The following CHODL variants were observed in gnomAD, a reference collection of about 807,000 sequenced individuals.
CHODL encodes chondrolectin.
A neutral mutation model predicts 34.5 loss-of-function variants in CHODL; 29 were observed. The ratio of observed to expected loss-of-function variants is 0.84; its 90% confidence interval spans 0.63 to 1.15. CHODL has a LOEUF of 1.15. Ranked by LOEUF, CHODL falls within the 50% of genes most tolerant of loss-of-function variation. CHODL has a pLI of 0.00. For synonymous variants in CHODL, 125 were observed against 116.1 expected (o/e 1.08, Z -0.49); for missense variants, 332 against 332.5 (o/e 1.00, Z 0.01).
intron 5 of CHODL, among the ~76,000 whole-genome samples, chr21:18,264,368 G>C (rs923637566): frequency 1.3e-5 from 2 of 152,034 alleles, no homozygotes; most frequent in Non-Finnish European, 2.9e-5. Context: ...AGTAGAGAAT[G>C]ACTTGGGTGG....
At chr21:18,111,657 AT>A (rs2065352959) in intron 2 of CHODL, among the ~76,000 whole-genome samples, 1 of 152,170 alleles carries the variant, frequency 6.6e-6, no homozygotes, top group Non-Finnish European at 1.5e-5. Context: ...TTTAGGTAGT[AT>A]GTTATAGTTC....
At chr21:17,991,331 T>C (rs1324227703) in intron 1 of CHODL, among the ~76,000 whole-genome samples, 2 of 152,136 alleles carry the variant, frequency 1.3e-5, no homozygotes, top group African/African-American at 4.8e-5. Context: ...AGTAGTGTGA[T>C]TTCTGTATTA....
intron 2 of CHODL, among the ~76,000 whole-genome samples, chr21:18,113,446 T>C (rs1568893247): frequency 2.6e-5 from 4 of 152,164 alleles, no homozygotes; most frequent in Admixed American, 2.0e-4. Context: ...ATAAAATAAG[T>C]TTAATTGGCT....
rs550357590 is a variant in CHODL, at chr21:18,098,940, T to C, written c.-45+70969T>C. Among the ~76,000 whole-genome samples the C allele has an allele frequency of 1.5e-3, 223 of 152,170 alleles. 1 individual carries two copies. The highest frequency in any genetic ancestry group is 0.01 in the Middle Eastern group (3 of 294). ...TTATTTGCAACAACATGGATGGAACTGGAGGTCATTATGTTATGTAAAACA... is the reference window on the plus strand; with the variant it reads ...TTATTTGCAACAACATGGATGGAACCGGAGGTCATTATGTTATGTAAAACA... On this transcript the variant is annotated intron_variant, in intron 2 of 6. Transcript: ENST00000400127.
At chr21:18,197,557 G>A (rs1247261422) in intron 2 of CHODL, among the ~76,000 whole-genome samples, 6 of 152,120 alleles carry the variant, frequency 3.9e-5, no homozygotes, top group Admixed American at 1.3e-4. Flanking sequence ...CGGAGGTTGC[G>A]GTGAGCCAGG....
chr21:18,004,116 A>C (rs1342141792), intron 1 of CHODL, among the ~76,000 whole-genome samples: 2 of 152,212 alleles, frequency 1.3e-5, no homozygotes, highest in Non-Finnish European at 2.9e-5. Context: ...TAAAGTAAAA[A>C]TTTTTAGTAG....
intron 2 of CHODL, among the ~76,000 whole-genome samples, chr21:18,117,616 C>T (rs1049887229): frequency 1.3e-5 from 2 of 151,632 alleles, no homozygotes; most frequent in African/African-American, 2.4e-5. Context: ...TTTGTGCCTT[C>T]GTGTAGCTTA....
intron 2 of CHODL, among the ~76,000 whole-genome samples, chr21:18,180,628 GA>G (rs1354344074): frequency 2.6e-5 from 4 of 152,210 alleles, no homozygotes; most frequent in African/African-American, 4.8e-5. Context: ...CAATGTGGAT[GA>G]GGCATTGTGT....
chr21:18,098,383 T>C (rs2065167048), intron 2 of CHODL, among the ~76,000 whole-genome samples: 1 of 151,790 alleles, frequency 6.6e-6, no homozygotes, highest in African/African-American at 2.4e-5. Flanking sequence ...AATAATTCAA[T>C]TAAAAATGGG....
intron 1 of CHODL, among the ~76,000 whole-genome samples, chr21:17,999,721 A>G (rs1231853668): frequency 2.6e-5 from 4 of 152,158 alleles, no homozygotes; most frequent in East Asian, 1.9e-4. Context: ...CCCATATTCA[A>G]TTACCTCCCA....
Position 18,178,831 on chromosome 21 carries a change from C to T in CHODL, c.-44-77678C>T, listed in dbSNP as rs539719115. On this transcript the variant is annotated intron_variant, in intron 2 of 6. Transcript: ENST00000400127. The stretch of plus-strand genomic sequence containing the variant: ...GCAGTTCAAATCTGTGTTGTTTAAG[C>T]ATCAACCATAGAGTTTAGTCATGTA... Among the ~76,000 whole-genome samples, 10 of 152,222 alleles carry T rather than the reference C, an allele frequency of 6.6e-5. No homozygotes were observed. In the East Asian group the frequency reaches 1.9e-3, roughly 29 times the overall value.
chr21:18,098,869 A>G (rs1412315115), intron 2 of CHODL, among the ~76,000 whole-genome samples: 2 of 152,122 alleles, frequency 1.3e-5, no homozygotes, highest in South Asian at 4.1e-4. Flanking sequence ...CGTGGTACAT[A>G]CACCCAATGG....
chr21:18,170,804 T>C (rs2073218414), intron 2 of CHODL, among the ~76,000 whole-genome samples: 1 of 152,152 alleles, frequency 6.6e-6, no homozygotes, highest in Non-Finnish European at 1.5e-5. Context: ...AAGAAAATAA[T>C]TACAAACAAC....
At chr21:18,008,850 C>T (rs1307156140) in intron 1 of CHODL, among the ~76,000 whole-genome samples, 6 of 152,230 alleles carry the variant, frequency 3.9e-5, no homozygotes, top group South Asian at 2.1e-4. Context: ...GAATTAGCCT[C>T]GTCTAGTTGT....
chr21:18,142,951 G>C (rs2072820262), intron 2 of CHODL, among the ~76,000 whole-genome samples: 1 of 152,120 alleles, frequency 6.6e-6, no homozygotes, highest in African/African-American at 2.4e-5. Context: ...TAAGGTTTTA[G>C]AATCCCAGGA....
intron 2 of CHODL, among the ~76,000 whole-genome samples, chr21:18,081,256 T>G (rs139610343): frequency 7.9e-5 from 12 of 152,276 alleles, no homozygotes; most frequent in Admixed American, 3.3e-4. Context: ...TGTTACTAGA[T>G]ATAAGATCAT....
chr21:18,117,730 GAAAT>G (rs68074354), intron 2 of CHODL, among the ~76,000 whole-genome samples: 53,422 of 150,564 alleles, frequency 0.35, 10,778 homozygotes, highest in East Asian at 0.68. Flanking sequence ...TAAATAAGAA[GAAAT>G]AAATAAATAA....
rs150332467 is a variant in CHODL at position 18,210,814 on chromosome 21, C to T, written c.-44-45695C>T. Reference sequence around the variant, plus strand: ...GACCCCTCACAGTCTTATTTCAACACAGTAGCCAGAATGTCAGAGTAACTC... The same window carrying T: ...GACCCCTCACAGTCTTATTTCAACATAGTAGCCAGAATGTCAGAGTAACTC... On this transcript the variant is annotated intron_variant, in intron 2 of 6. Coordinates refer to the CHODL transcript ENST00000400127. Among the ~76,000 whole-genome samples the T allele has an allele frequency of 3.4e-3, 524 of 152,276 alleles. 5 individuals are homozygous for T. Among genetic ancestry groups the T allele is most frequent in the African/African-American group, 1.0e-2 (414 of 41,552 alleles).
At chr21:18,174,921 G>T (rs1468960974) in intron 2 of CHODL, among the ~76,000 whole-genome samples, 3 of 152,150 alleles carry the variant, frequency 2.0e-5, no homozygotes, top group African/African-American at 7.2e-5. Flanking sequence ...CTCTGAAAAA[G>T]TATCTGTGCT....
Sources: gnomAD v4.1 joint callset for allele counts (sites outside exome capture counted in the v4.1 genomes callset) on GRCh38, gnomAD v4.1.1 for gene constraint, MANE v1.5 for transcripts, NCBI Gene and HGNC (gene_info 2026-07-23, HGNC 2026-07-21) for gene names.